Variants in ZNF385D observed in about 807,000 individuals in gnomAD.
ZNF385D encodes zinc finger protein 385D.
ZNF385D carries 15 observed loss-of-function variants against 35.8 expected under a neutral mutation model. That is an observed-to-expected ratio of 0.42 (90% confidence interval 0.28 to 0.64). The LOEUF (loss-of-function observed/expected upper bound fraction) is 0.64. Ranked by LOEUF, ZNF385D falls within the 30% of genes least tolerant of loss-of-function variation. ZNF385D has a pLI of 0.23. For missense variants in ZNF385D, 474 were observed against 494.6 expected (o/e 0.96, Z 0.39); for synonymous variants, 212 against 186.8 (o/e 1.13, Z -1.10).
intron 3 of ZNF385D, among the ~76,000 whole-genome samples, chr3:22,159,391 G>C (rs571207615): frequency 5.3e-5 from 8 of 151,938 alleles, no homozygotes; most frequent in African/African-American, 1.9e-4. Context: ...TGAAAAACTA[G>C]AGTATACTTC....
At chr3:22,206,612 A>G (rs1697173434) in intron 2 of ZNF385D, among the ~76,000 whole-genome samples, 1 of 151,996 alleles carries the variant, frequency 6.6e-6, no homozygotes, top group Non-Finnish European at 1.5e-5. Context: ...CTAGAAATCA[A>G]TAGCAAGCGG....
chr3:21,428,056 A>G (rs1701101355), intron 5 of ZNF385D, among the ~76,000 whole-genome samples: 1 of 152,180 alleles, frequency 6.6e-6, no homozygotes, highest in Non-Finnish European at 1.5e-5. Context: ...ATAATTCAAT[A>G]ACTATTAGAT....
At chr3:21,610,947 C>T (rs1413412738) in intron 2 of ZNF385D, among the ~76,000 whole-genome samples, 1 of 152,230 alleles carries the variant, frequency 6.6e-6, no homozygotes, top group East Asian at 1.9e-4. Flanking sequence ...TTCAGTTTCC[C>T]GTGGACTGTT....
chr3:22,343,940 T>G (rs544024918), intron 2 of ZNF385D, among the ~76,000 whole-genome samples: 1 of 151,930 alleles, frequency 6.6e-6, no homozygotes, highest in Non-Finnish European at 1.5e-5. Context: ...TTAAAAAAAA[T>G]GAACAAGTGA....
intron 7 of ZNF385D, among the ~76,000 whole-genome samples, chr3:21,423,725 C>G (rs920410084): frequency 6.6e-6 from 1 of 152,060 alleles, no homozygotes; most frequent in Admixed American, 6.6e-5. Context: ...TTGTTTTTTC[C>G]TGACCTTCCT....
At chr3:22,141,057 A>G (rs1480822028) in intron 3 of ZNF385D, among the ~76,000 whole-genome samples, 1 of 152,218 alleles carries the variant, frequency 6.6e-6, no homozygotes, top group Admixed American at 6.5e-5. Context: ...AAATTCTCAG[A>G]GATTAAGAGA....
intron 2 of ZNF385D, among the ~76,000 whole-genome samples, chr3:22,338,096 T>C (rs151050582): frequency 2.6e-3 from 401 of 152,330 alleles, no homozygotes; most frequent in African/African-American, 9.3e-3. Context: ...TAAAATATGG[T>C]TGAAATATTT....
intron 2 of ZNF385D, among the ~76,000 whole-genome samples, chr3:22,218,110 A>T (rs1433351929): frequency 6.6e-6 from 1 of 152,150 alleles, no homozygotes; most frequent in Non-Finnish European, 1.5e-5. Flanking sequence ...AAATCATTCA[A>T]CAAGACTGTA....
chr3:21,823,992 A>C (rs2125742780), intron 3 of ZNF385D, among the ~76,000 whole-genome samples: 1 of 152,328 alleles, frequency 6.6e-6, no homozygotes, highest in East Asian at 1.9e-4. Context: ...CATGAAAATA[A>C]AATGCAATTG....
chr3:22,164,218 T>G (rs1026958093), intron 3 of ZNF385D, among the ~76,000 whole-genome samples: 1 of 44,194 alleles, frequency 2.3e-5, no homozygotes, highest in Non-Finnish European at 3.9e-5. Context: ...AAGGAGCACT[T>G]TTTTTTTTTT....
rs192223333 is a variant in ZNF385D at position 22,087,603 on chromosome 3, A to G, written c.325+81214T>C. On this transcript the variant is annotated intron_variant, in intron 3 of 5. Coordinates refer to the ZNF385D transcript ENST00000494108. ...ATTAGTAACGATTCTTCAACAGGAT[A>G]GGAACCTGAATCCCTGGGGATTTTT... 1.5e-3 allele frequency among the ~76,000 whole-genome samples: 235 copies of G among 152,328 alleles called. 1 individual carries two copies. The highest frequency in any genetic ancestry group is 4.4e-3 in the African/African-American group (183 of 41,590).
chr3:21,952,559 C>T (rs1702112755), intron 3 of ZNF385D, among the ~76,000 whole-genome samples: 1 of 151,798 alleles, frequency 6.6e-6, no homozygotes, highest in African/African-American at 2.4e-5. Context: ...TTGGAATCCC[C>T]CTAAACCTCA....
chr3:21,734,589 C>T (rs927427116), intron 1 of ZNF385D, among the ~76,000 whole-genome samples: 1 of 151,236 alleles, frequency 6.6e-6, no homozygotes, highest in African/African-American at 2.4e-5. Flanking sequence ...GGTAAAGACA[C>T]AGAAGGTTAA....
chr3:22,013,162 A>G (rs1011178418), intron 3 of ZNF385D, among the ~76,000 whole-genome samples: 1 of 152,136 alleles, frequency 6.6e-6, no homozygotes, highest in Non-Finnish European at 1.5e-5. Flanking sequence ...ATCTATAAAA[A>G]TGTGTTAAAA....
chr3:21,995,400 AC>A (rs1695400254), intron 3 of ZNF385D, among the ~76,000 whole-genome samples: 1 of 152,138 alleles, frequency 6.6e-6, no homozygotes, highest in Non-Finnish European at 1.5e-5. Flanking sequence ...GGCACAGGCT[AC>A]AGTGAGTGAG....
chr3:21,584,570 C>T (rs371579645), intron 2 of ZNF385D, among the ~76,000 whole-genome samples: 1 of 137,646 alleles, frequency 7.3e-6, no homozygotes. Context: ...TTTTTAGCTT[C>T]AAGCAAAGTA....
At chr3:22,061,034 T>C (rs1247052714) in intron 3 of ZNF385D, among the ~76,000 whole-genome samples, 2 of 152,164 alleles carry the variant, frequency 1.3e-5, no homozygotes, top group Non-Finnish European at 2.9e-5. Flanking sequence ...TTAAAAGGTT[T>C]GTTGATTTCT....
intron 2 of ZNF385D, among the ~76,000 whole-genome samples, chr3:22,356,772 GA>G (rs1333918114): frequency 6.6e-6 from 1 of 151,170 alleles, no homozygotes; most frequent in African/African-American, 2.5e-5. Context: ...TGATTAGATA[GA>G]CAGATGATAG....
At chr3:22,041,406 G>C (rs1315373986) in intron 3 of ZNF385D, among the ~76,000 whole-genome samples, 2 of 152,050 alleles carry the variant, frequency 1.3e-5, no homozygotes, top group South Asian at 2.1e-4. Flanking sequence ...GTAATACAAA[G>C]AAAATCAGTC....
Sources: allele counts gnomAD v4.1 joint callset (sites outside exome capture counted in the v4.1 genomes callset), GRCh38; gene constraint gnomAD v4.1.1; transcripts MANE v1.5; gene names NCBI Gene and HGNC (gene_info 2026-07-23, HGNC 2026-07-21).